Variants in PADI4 observed in about 807,000 individuals in gnomAD.
The protein encoded by PADI4 is protein-arginine deiminase type-4.
A neutral mutation model predicts 75.0 loss-of-function variants in PADI4; 62 were observed. That is an observed-to-expected ratio of 0.83 (90% confidence interval 0.67 to 1.02). PADI4 has a LOEUF of 1.02. PADI4 is among the 50% of genes least tolerant of loss of function. PADI4 has a pLI of 0.00. For missense variants in PADI4, 845 were observed against 850.5 expected (o/e 0.99, Z 0.08); for synonymous variants, 361 against 348.1 (o/e 1.04, Z -0.41).
chr1:17,331,272 G>T, intron 2 of PADI4, 123 bp downstream of exon 2: 2 of 760,112 alleles, frequency 2.6e-6, no homozygotes, highest in Non-Finnish European at 4.2e-6. Context: ...GGAAGAGCTC[G>T]TGATGGCTTC....
At position 17,354,541 on chromosome 1, in the gene PADI4, T is replaced by C. The variant is rs1185894255; in HGVS notation, c.1164T>C (p.Asp388=). ...EFPIKRVMGP[D]FGYVTRGPQT... is the part of the protein sequence containing the mutation. ...CCCTTCTCCTATCTCAGGGTCCAGA[T>C]TTTGGCTATGTAACTCGAGGGCCCC... is the stretch of plus-strand genomic sequence containing the variant. Residue 388 remains aspartate (D), a synonymous_variant, in exon 11 of 16, where the codon GAT becomes GAC. Coordinates refer to ENST00000375448, the MANE Select transcript of PADI4 (RefSeq NM_012387.3). The C allele has an allele frequency of 6.2e-7, 1 of 1,614,090 alleles. No homozygotes were observed. The highest frequency in any genetic ancestry group is 8.5e-7 in the Non-Finnish European group (1 of 1,179,962).
intron 6 of PADI4, 146 bp downstream of exon 6, chr1:17,339,959 C>G: frequency 2.5e-6 from 2 of 797,564 alleles, no homozygotes; most frequent in Non-Finnish European, 3.9e-6. Context: ...AGACAGACGA[C>G]ATCTCGTCTA....
At chr1:17,353,349 C>T (rs2074700359) in intron 10 of PADI4, among the ~76,000 whole-genome samples, 1 of 152,146 alleles carries the variant, frequency 6.6e-6, no homozygotes, top group Non-Finnish European at 1.5e-5. Context: ...CACCTGTGGT[C>T]CCAGCTACTC....
chr1:17,347,234 G>GC (rs2074533046), intron 9 of PADI4, among the ~76,000 whole-genome samples: 1 of 152,116 alleles, frequency 6.6e-6, no homozygotes, highest in South Asian at 2.1e-4. Flanking sequence ...ACTGCACCTG[G>GC]CCGCCATTCC....
chr1:17,359,152 C>A (rs1456685557), intron 14 of PADI4, 128 bp from the exon 15 acceptor site: 3 of 749,376 alleles, frequency 4.0e-6, no homozygotes, highest in African/African-American at 1.7e-5. Context: ...TGGCAGCCAC[C>A]TTCACTGCCT....
chr1:17,309,336 T>A (rs1258101138), intron 1 of PADI4, among the ~76,000 whole-genome samples: 1 of 152,102 alleles, frequency 6.6e-6, no homozygotes, highest in African/African-American at 2.4e-5. Flanking sequence ...CTGTAAAAAT[T>A]TTTTTCCTTA....
intron 10 of PADI4, among the ~76,000 whole-genome samples, chr1:17,354,162 C>T (rs1005915287): frequency 1.3e-5 from 2 of 151,982 alleles, no homozygotes; most frequent in African/African-American, 4.8e-5. Flanking sequence ...AGGAGTATTC[C>T]TTGAACCAGG....
At chr1:17,339,183 G>A (rs2074370172) in intron 5 of PADI4, among the ~76,000 whole-genome samples, 1 of 152,042 alleles carries the variant, frequency 6.6e-6, no homozygotes, top group Admixed American at 6.6e-5. Context: ...TAAGCCCTTG[G>A]CTATCAGTCA....
At chr1:17,314,121 A>G (rs1214457708) in intron 1 of PADI4, among the ~76,000 whole-genome samples, 1 of 152,146 alleles carries the variant, frequency 6.6e-6, no homozygotes, top group Non-Finnish European at 1.5e-5. Flanking sequence ...AGGAAGCCAC[A>G]TGGGACAGAG....
chr1:17,352,152 A>G (rs763208804), intron 10 of PADI4, among the ~76,000 whole-genome samples: 3,194 of 95,380 alleles, frequency 0.033, 57 homozygotes, highest in African/African-American at 0.087. Context: ...AGGAGAGGCA[A>G]TCAGGGAGGT....
intron 8 of PADI4, among the ~76,000 whole-genome samples, chr1:17,344,852 G>A (rs1375878843): frequency 1.3e-5 from 2 of 152,254 alleles, no homozygotes; most frequent in African/African-American, 4.8e-5. Context: ...TGCTACAGCA[G>A]TGCAGAGGGG....
intron 15 of PADI4, among the ~76,000 whole-genome samples, chr1:17,360,121 T>A (rs2074828078): frequency 6.6e-6 from 1 of 151,994 alleles, no homozygotes; most frequent in Non-Finnish European, 1.5e-5. Flanking sequence ...GACACCCCCA[T>A]CTCTACTAAA....
In PADI4 at chr1:17,339,785, G is replaced by T; in HGVS notation, c.624G>T (p.Met208Ile). 5.6e-6 allele frequency: 9 copies of T among 1,611,892 alleles called. No homozygotes were observed. The highest frequency in any genetic ancestry group is 7.6e-6 in the Non-Finnish European group (9 of 1,178,960). Residue 208 changes from methionine to isoleucine, a missense_variant, in exon 6 of 16, where the codon ATG becomes ATT. Transcript: ENST00000375448. ...TLVLHVARSE[M>I]DKVRVFQATR... is the part of the protein sequence containing the mutation. ...TGCTCCACGTGGCCAGGTCTGAGATGGACAAAGTGAGGGTGTTTCAGGCCA... is the reference window on the plus strand; with the variant it reads ...TGCTCCACGTGGCCAGGTCTGAGATTGACAAAGTGAGGGTGTTTCAGGCCA...
At position 17,356,537 on chromosome 1, in the gene PADI4, TC is replaced by T; in HGVS notation, c.1558+80del. 1 of 856,890 alleles carries T rather than the reference TC, an allele frequency of 1.2e-6. No homozygotes were observed. The highest frequency in any genetic ancestry group is 1.9e-6 in the Non-Finnish European group (1 of 522,124). 53.1% of individuals were successfully genotyped at this position (856,890 alleles called of 1,614,324 possible). Reference sequence around the variant, plus strand: ...GTCCGCTGTTGCCTGGAGGGAATCATCCAGGCAATAGGGTAGCATCTGAGCA... The same window carrying T: ...GTCCGCTGTTGCCTGGAGGGAATCATCAGGCAATAGGGTAGCATCTGAGCA... On this transcript the variant is annotated intron_variant, in intron 13 of 15. Coordinates refer to ENST00000375448, the MANE Select transcript of PADI4 (RefSeq NM_012387.3). This position sits in a 1 kb window ranked among gnomAD's most constrained non-coding sequence, Gnocchi z 4.1.
chr1:17,356,259 G>T lies in PADI4; in HGVS notation c.1456-98G>T. On this transcript the variant is annotated intron_variant, in intron 12 of 15. Transcript: ENST00000375448. This position sits in a 1 kb window ranked among gnomAD's most constrained non-coding sequence, Gnocchi z 4.1. ...TGGCAGTAGAGGAGGTGGCCAGCTTGGGTCCAAGTCCACACTACTCCCACC... is the reference window on the plus strand; with the variant it reads ...TGGCAGTAGAGGAGGTGGCCAGCTTTGGTCCAAGTCCACACTACTCCCACC... 1 of 1,293,534 alleles carries T rather than the reference G, an allele frequency of 7.7e-7. No individual in the cohort carries two copies. Among genetic ancestry groups the T allele is most frequent in the Non-Finnish European group, 1.1e-6 (1 of 929,130 alleles). 80.1% of individuals were successfully genotyped at this position (1,293,534 alleles called of 1,614,324 possible). A position where few individuals can be genotyped will look rare whatever the true frequency, so the allele number is the denominator to read the frequency against.
At chr1:17,359,948 G>A (rs1309817404) in intron 15 of PADI4, among the ~76,000 whole-genome samples, 1 of 152,180 alleles carries the variant, frequency 6.6e-6, no homozygotes, top group African/African-American at 2.4e-5. Context: ...TTCAACAGCG[G>A]GTGCCAGGTG....
chr1:17,359,246 GT>G, intron 14 of PADI4, 33 bp from the exon 15 acceptor site: 3 of 357,758 alleles, frequency 8.4e-6, no homozygotes, highest in Non-Finnish European at 1.4e-5. Flanking sequence ...ACTGCCATCA[GT>G]CCCCCACTCA....
At chr1:17,312,993 C>T (rs1197321249) in intron 1 of PADI4, among the ~76,000 whole-genome samples, 1 of 151,218 alleles carries the variant, frequency 6.6e-6, no homozygotes, top group Non-Finnish European at 1.5e-5. Flanking sequence ...GGATGGAGAC[C>T]ATCCTGGCCA....
chr1:17,354,262 T>C (rs2074720787), intron 10 of PADI4, among the ~76,000 whole-genome samples: 1 of 151,750 alleles, frequency 6.6e-6, no homozygotes, highest in Non-Finnish European at 1.5e-5. Flanking sequence ...AAAAATGATG[T>C]TTTACAGATT....
Sources: allele counts gnomAD v4.1 joint callset (sites outside exome capture counted in the v4.1 genomes callset), GRCh38; gene constraint gnomAD v4.1.1; non-coding constraint Gnocchi (gnomAD v3.1); transcripts MANE v1.5; gene names NCBI Gene and HGNC (gene_info 2026-07-23, HGNC 2026-07-21).